The following MDFIC2 variants were observed in gnomAD, a reference collection of about 807,000 sequenced individuals.
The protein encoded by MDFIC2 is myoD family inhibitor domain-containing protein 2.
intron 2 of MDFIC2, among the ~76,000 whole-genome samples, chr3:70,294,701 G>T (rs142863199): frequency 2.6e-5 from 4 of 152,180 alleles, no homozygotes; most frequent in African/African-American, 9.6e-5. Context: ...AGGTAGAATG[G>T]CTCGAGGATT....
chr3:70,282,361 G>A (rs997768153), intron 2 of MDFIC2, among the ~76,000 whole-genome samples: 2 of 152,142 alleles, frequency 1.3e-5, no homozygotes. Flanking sequence ...AAATGCTAAT[G>A]TGTCTTAAAC....
chr3:70,203,904 T>C (rs1161475103), intron 3 of MDFIC2, among the ~76,000 whole-genome samples: 1 of 152,052 alleles, frequency 6.6e-6, no homozygotes, highest in Non-Finnish European at 1.5e-5. Context: ...AGTGGGGACA[T>C]GGATAGTCCT....
chr3:70,296,417 C>G (rs1006358836), intron 2 of MDFIC2, among the ~76,000 whole-genome samples: 2 of 152,064 alleles, frequency 1.3e-5, no homozygotes, highest in African/African-American at 4.8e-5. Context: ...TTTTAGATAA[C>G]CAAAATTCAA....
intron 2 of MDFIC2, among the ~76,000 whole-genome samples, chr3:70,220,099 G>A (rs1258291356): frequency 6.6e-6 from 1 of 152,134 alleles, no homozygotes; most frequent in Non-Finnish European, 1.5e-5. Context: ...TGTTCCTGAA[G>A]CTGGCCTCAA....
chr3:70,217,230 T>C (rs34447534), intron 2 of MDFIC2, among the ~76,000 whole-genome samples: 23,372 of 152,130 alleles, frequency 0.15, 2,566 homozygotes, highest in East Asian at 0.56. Flanking sequence ...TTAGCATTTC[T>C]TACATGGTGA....
intron 2 of MDFIC2, among the ~76,000 whole-genome samples, chr3:70,210,134 C>T (rs552756915): frequency 4.6e-5 from 7 of 151,998 alleles, no homozygotes; most frequent in South Asian, 2.1e-4. Flanking sequence ...TAAGAACATG[C>T]GGCGAATACA....
chr3:70,295,532 G>T (rs1367490784), intron 2 of MDFIC2, among the ~76,000 whole-genome samples: 1 of 151,858 alleles, frequency 6.6e-6, no homozygotes, highest in African/African-American at 2.4e-5. Context: ...GTGAGATCCC[G>T]TCTCTACAAA....
chr3:70,225,306 T>C (rs977608802), intron 2 of MDFIC2, among the ~76,000 whole-genome samples: 1 of 152,246 alleles, frequency 6.6e-6, no homozygotes, highest in Admixed American at 6.5e-5. Flanking sequence ...ATTATAATTA[T>C]ATGTCTTCCT....
At chr3:70,200,893 G>T (rs1056568591) in intron 3 of MDFIC2, among the ~76,000 whole-genome samples, 4 of 143,104 alleles carry the variant, frequency 2.8e-5, no homozygotes, top group Non-Finnish European at 6.0e-5. Flanking sequence ...AAAGCCTGTG[G>T]TCTCTATCCC....
At chr3:70,246,513 C>T (rs1432129854) in intron 2 of MDFIC2, among the ~76,000 whole-genome samples, 1 of 151,996 alleles carries the variant, frequency 6.6e-6, no homozygotes, top group African/African-American at 2.4e-5. Context: ...TCAGACTTAT[C>T]AAACAGAAAC....
intron 2 of MDFIC2, among the ~76,000 whole-genome samples, chr3:70,290,594 C>G (rs927864741): frequency 1.2e-4 from 18 of 152,220 alleles, no homozygotes; most frequent in Non-Finnish European, 2.5e-4. Flanking sequence ...CCACCCAGTT[C>G]GAGTTTCCGG....
intron 2 of MDFIC2, among the ~76,000 whole-genome samples, chr3:70,264,504 T>G (rs937417033): frequency 6.6e-6 from 1 of 152,238 alleles, no homozygotes; most frequent in Non-Finnish European, 1.5e-5. Context: ...ATTCTCTCCC[T>G]GTTAGAGAAT....
At chr3:70,267,925 T>A (rs1302643081) in intron 2 of MDFIC2, among the ~76,000 whole-genome samples, 1 of 151,940 alleles carries the variant, frequency 6.6e-6, no homozygotes, top group African/African-American at 2.4e-5. Context: ...CCTTTCCTTT[T>A]CTTCCCATCC....
At chr3:70,294,761 A>G (rs968875919) in intron 2 of MDFIC2, among the ~76,000 whole-genome samples, 2 of 152,138 alleles carry the variant, frequency 1.3e-5, no homozygotes, top group Admixed American at 6.5e-5. Context: ...ATTTTTTTCC[A>G]TGTCATTTTA....
chr3:70,276,762 G>A (rs1702030864), intron 2 of MDFIC2, among the ~76,000 whole-genome samples: 1 of 152,168 alleles, frequency 6.6e-6, no homozygotes, highest in Non-Finnish European at 1.5e-5. Flanking sequence ...CACTATAATG[G>A]CAGAATTGAA....
At chr3:70,301,635 T>C (rs929050201) in intron 2 of MDFIC2, among the ~76,000 whole-genome samples, 1 of 152,140 alleles carries the variant, frequency 6.6e-6, no homozygotes, top group African/African-American at 2.4e-5. Flanking sequence ...AATCTGCGTT[T>C]GCACATATTG....
At chr3:70,303,666 T>G (rs1279778693) in intron 2 of MDFIC2, among the ~76,000 whole-genome samples, 6 of 152,124 alleles carry the variant, frequency 3.9e-5, no homozygotes, top group Admixed American at 2.6e-4. Flanking sequence ...AATGTGCCAC[T>G]CTTTGATAGT....
chr3:70,226,057 C>A (rs989678893), intron 2 of MDFIC2, among the ~76,000 whole-genome samples: 1 of 152,130 alleles, frequency 6.6e-6, no homozygotes, highest in African/African-American at 2.4e-5. Flanking sequence ...GATTAATCAA[C>A]ATTCACTTAA....
intron 2 of MDFIC2, among the ~76,000 whole-genome samples, chr3:70,293,091 G>C (rs187125507): frequency 7.4e-6 from 1 of 134,882 alleles, no homozygotes; most frequent in Non-Finnish European, 1.6e-5. Flanking sequence ...TACATGACGA[G>C]AAGAAAGAAA....
Sources: gnomAD v4.1 joint callset for allele counts (sites outside exome capture counted in the v4.1 genomes callset) on GRCh38, gnomAD v4.1.1 for gene constraint, MANE v1.5 for transcripts, NCBI Gene and HGNC (gene_info 2026-07-23, HGNC 2026-07-21) for gene names.